The following CDH1 variants were observed in gnomAD, a reference collection of about 807,000 sequenced individuals.
The protein encoded by CDH1 is cadherin-1.
In CDH1, 35 loss-of-function variants were observed where a neutral mutation model predicts 84.5. The ratio of observed to expected loss-of-function variants is 0.41; its 90% CI spans 0.32 to 0.55. CDH1 has a LOEUF of 0.55. CDH1 is among the 20% of genes least tolerant of loss of function. The probability of loss-of-function intolerance (pLI) is 0.19; values close to 1 mark genes in which losing one functional copy is unlikely to be tolerated. For missense variants in CDH1, 994 were observed against 1,126.6 expected, an observed-to-expected ratio of 0.88 and a Z score of 1.68; for synonymous variants, 417 against 439.0, an observed-to-expected ratio of 0.95 and a Z score of 0.63.
At chr16:68,752,929 CT>C (rs1962921314) in intron 2 of CDH1, among the ~76,000 whole-genome samples, 1 of 152,206 alleles carries the variant, frequency 6.6e-6, no homozygotes, top group Admixed American at 6.5e-5. Context: ...CACCTGCCCC[CT>C]GGGTATCTCA....
chr16:68,752,058 T>G (rs2152117555), intron 2 of CDH1, among the ~76,000 whole-genome samples: 1 of 151,514 alleles, frequency 6.6e-6, no homozygotes, highest in South Asian at 2.1e-4. Context: ...TTCAAGCAAT[T>G]CTCCTGTCTC....
intron 2 of CDH1, among the ~76,000 whole-genome samples, chr16:68,795,903 C>T (rs1350803300): frequency 6.6e-6 from 1 of 151,924 alleles, no homozygotes; most frequent in African/African-American, 2.4e-5. Flanking sequence ...GTGGCTTATG[C>T]CTGTAATCCC....
At chr16:68,799,481 C>A (rs993907686) in intron 2 of CDH1, among the ~76,000 whole-genome samples, 3 of 152,070 alleles carry the variant, frequency 2.0e-5, no homozygotes, top group African/African-American at 7.2e-5. Flanking sequence ...CATGGGGTAG[C>A]CTCTGATCTC....
chr16:68,770,743 G>A (rs1469411217), intron 2 of CDH1, among the ~76,000 whole-genome samples: 1 of 151,492 alleles, frequency 6.6e-6, no homozygotes, highest in Non-Finnish European at 1.5e-5. Flanking sequence ...GGAACAGCAA[G>A]GGCTGAGAGC....
intron 2 of CDH1, among the ~76,000 whole-genome samples, chr16:68,749,158 G>A (rs1046357183): frequency 1.3e-4 from 20 of 152,194 alleles, no homozygotes; most frequent in Non-Finnish European, 2.2e-4. Flanking sequence ...TTGATTTGGG[G>A]GAAGGTTTCC....
chr16:68,809,614 C>T (rs1283890189), intron 5 of CDH1, among the ~76,000 whole-genome samples: 1 of 152,120 alleles, frequency 6.6e-6, no homozygotes, highest in Non-Finnish European at 1.5e-5. Context: ...CAGCCTGGAC[C>T]TTCTGGGCCC....
At chr16:68,811,093 T>A (rs1247371129) in intron 6 of CDH1, among the ~76,000 whole-genome samples, 2 of 151,698 alleles carry the variant, frequency 1.3e-5, no homozygotes, top group Non-Finnish European at 2.9e-5. Flanking sequence ...TTTTCTCTCC[T>A]CCATAAAGAT....
chr16:68,794,463 G>T (rs577365907), intron 2 of CDH1, among the ~76,000 whole-genome samples: 3 of 152,180 alleles, frequency 2.0e-5, no homozygotes, highest in Non-Finnish European at 4.4e-5. Flanking sequence ...GGACAAACTG[G>T]AGGCCTAATT....
chr16:68,771,361 G>A (rs1959567317), intron 2 of CDH1, among the ~76,000 whole-genome samples: 2 of 152,058 alleles, frequency 1.3e-5, no homozygotes, highest in Non-Finnish European at 2.9e-5. Flanking sequence ...ATCACAGCTC[G>A]CTGTAGTCTC....
rs552211143 is a variant in CDH1, at chr16:68,773,397, A to G, written c.164-28273A>G. On this transcript the variant is annotated intron_variant, in intron 2 of 15. Coordinates refer to ENST00000261769, the MANE Select transcript of CDH1 (RefSeq NM_004360.5). ...CTGCAACTTCTGCCTCCCAGGTTCA[A>G]GTGATTCTCCTGCCTCAGCCTCCCC... Among the ~76,000 whole-genome samples, 516 of 151,888 alleles carry G rather than the reference A, an allele frequency of 3.4e-3. 1 individual carries two copies. Among genetic ancestry groups the G allele is most frequent in the Non-Finnish European group, 3.3e-3 (227 of 67,952 alleles).
At chr16:68,745,493 T>C (rs1962697116) in intron 2 of CDH1, among the ~76,000 whole-genome samples, 1 of 129,648 alleles carries the variant, frequency 7.7e-6, no homozygotes, top group Admixed American at 8.5e-5. Flanking sequence ...CAGTAAGCCA[T>C]GATTGCACCA....
intron 2 of CDH1, chr16:68,763,407 C>T (rs1959282721): frequency 6.6e-6 from 1 of 152,226 alleles, no homozygotes; most frequent in African/African-American, 2.4e-5. Flanking sequence ...ACCTCAAATT[C>T]CCTTATGGCC....
intron 2 of CDH1, among the ~76,000 whole-genome samples, chr16:68,784,701 C>A (rs564025982): frequency 2.3e-3 from 346 of 152,204 alleles, no homozygotes; most frequent in Middle Eastern, 0.02. Context: ...CTTTTTATGC[C>A]TTTGGATCCT....
chr16:68,777,420 T>G (rs548520662), intron 2 of CDH1, among the ~76,000 whole-genome samples: 61 of 152,268 alleles, frequency 4.0e-4, no homozygotes, highest in African/African-American at 1.4e-3. Context: ...TGGCATGCAG[T>G]GTGCTCTAGA....
At chr16:68,760,024 A>T (rs1201547256) in intron 2 of CDH1, among the ~76,000 whole-genome samples, 1 of 151,488 alleles carries the variant, frequency 6.6e-6, no homozygotes, top group Non-Finnish European at 1.5e-5. Flanking sequence ...CTGAGTTTTT[A>T]AAATTCTAGT....
intron 2 of CDH1, among the ~76,000 whole-genome samples, chr16:68,738,778 G>T (rs3912073): frequency 0.81 from 122,015 of 151,502 alleles, 49,910 homozygotes; most frequent in Non-Finnish European, 0.89. Flanking sequence ...TGAGCAAACC[G>T]AGGCTAAGAG....
chr16:68,800,160 C>A (rs1960459503), intron 2 of CDH1, among the ~76,000 whole-genome samples: 1 of 150,704 alleles, frequency 6.6e-6, no homozygotes, highest in Admixed American at 6.6e-5. Flanking sequence ...GGCAACATAA[C>A]AAGATCCCAT....
intron 2 of CDH1, among the ~76,000 whole-genome samples, chr16:68,782,875 G>GA (rs959257411): frequency 3.3e-5 from 5 of 151,368 alleles, no homozygotes; most frequent in Admixed American, 1.3e-4. Context: ...ATGACTCTTG[G>GA]AAAAAAAACA....
intron 2 of CDH1, among the ~76,000 whole-genome samples, chr16:68,774,356 C>T (rs1395431706): frequency 6.6e-6 from 1 of 152,160 alleles, no homozygotes; most frequent in Non-Finnish European, 1.5e-5. Context: ...CCCATCTCTA[C>T]TAATAATACA....
Sources: gnomAD v4.1 joint callset for allele counts (sites outside exome capture counted in the v4.1 genomes callset) on GRCh38, gnomAD v4.1.1 for gene constraint, MANE v1.5 for transcripts, NCBI Gene and HGNC (gene_info 2026-07-23, HGNC 2026-07-21) for gene names.